ACADVL: variants seen among roughly 807,000 people sequenced by gnomAD.
ACADVL encodes very long-chain acyl-CoA dehydrogenase, mitochondrial.
A neutral mutation model predicts 80.4 loss-of-function variants in ACADVL; 73 were observed. The observed-to-expected ratio is 0.91, with a 90% CI of 0.75 to 1.10. The LOEUF (loss-of-function observed/expected upper bound fraction) is 1.10. ACADVL is among the 50% of genes least tolerant of loss of function. ACADVL has a pLI of 0.00. For missense variants in ACADVL, 878 were observed against 858.9 expected (o/e 1.02, Z -0.28); for synonymous variants, 392 against 326.5 (o/e 1.20, Z -2.16).
At chr17:7,218,670 G>T, upstream of ACADVL, 1 of 1,550,890 alleles carries the variant, frequency 6.4e-7, no homozygotes, top group Non-Finnish European at 8.7e-7. Context: ...TTGGGACAGG[G>T]AAGATGCCAA....
Position 7,223,877 on chromosome 17 carries a change from T to C in ACADVL, c.1332+2T>C. On this transcript the variant is annotated splice_donor_variant, in intron 13 of 19. Transcript: ENST00000356839. LOFTEE classifies it high-confidence loss of function. ...ATGGGGGGTATGGGCTTCATGAAGG[T>C]ACAGGACGGTCTTCTGCAGAGCCTC... The C allele has an allele frequency of 1.2e-6, 2 of 1,613,908 alleles. No homozygotes were observed. Among genetic ancestry groups the C allele is most frequent in the Non-Finnish European group, 1.7e-6 (2 of 1,180,010 alleles).
At position 7,220,581 on chromosome 17, in the gene ACADVL, GA is replaced by G. The variant is rs774676423; in HGVS notation, c.205-20del. ...CTTAGCCAGACCCAACCAGAGCCCTGAAATTTGCCTCTCTCTGCCCAGGAAT... is the reference window on the plus strand; with the variant it reads ...CTTAGCCAGACCCAACCAGAGCCCTGAATTTGCCTCTCTCTGCCCAGGAAT... On this transcript the variant is annotated intron_variant, in intron 3 of 19. Coordinates refer to ENST00000356839, the MANE Select transcript of ACADVL (RefSeq NM_000018.4). The G allele has an allele frequency of 3.1e-6, 5 of 1,614,216 alleles. No homozygotes were observed. In the East Asian group the frequency reaches 1.1e-4, roughly 36 times the overall value.
chr17:7,218,815 G>C, upstream of ACADVL: 2 of 1,613,714 alleles, frequency 1.2e-6, no homozygotes, highest in Non-Finnish European at 1.7e-6. Context: ...CCTCCACAAG[G>C]AGCCCTGTTT....
At chr17:7,221,278 C>A in intron 6 of ACADVL, 2 of 959,212 alleles carry the variant, frequency 2.1e-6, no homozygotes, top group Non-Finnish European at 3.1e-6. Flanking sequence ...CCTTACAAAT[C>A]TCTAAGTTGG....
At position 7,223,659 on chromosome 17, in the gene ACADVL, G is replaced by A. The variant is rs149116708; in HGVS notation, c.1198G>A (p.Val400Met). ...QYVTESMAYM[V>M]SANMDQGATD... ...GCAACCTCAGTCCATGGCTTACATGGTGAGTGCTAACATGGACCAGGGAGC... is the reference window on the plus strand; with the variant it reads ...GCAACCTCAGTCCATGGCTTACATGATGAGTGCTAACATGGACCAGGGAGC... The change falls in exon 12 of 20, where the codon GTG (valine) becomes ATG (methionine). Residue 400 changes from valine (V) to methionine (M), a missense_variant. Val to Met is a conservative substitution (Grantham distance 21). Coordinates refer to ENST00000356839, the MANE Select transcript of ACADVL (RefSeq NM_000018.4). 1 of 1,614,084 alleles carries A rather than the reference G, an allele frequency of 6.2e-7. No individual in the cohort carries two copies. Among genetic ancestry groups the A allele is most frequent in the Non-Finnish European group, 8.5e-7 (1 of 1,180,006 alleles).
At position 7,222,250 on chromosome 17, in the gene ACADVL, AAGG is replaced by A. The variant is rs796051913; in HGVS notation, c.829_831del (p.Glu277del). On this transcript the variant is annotated inframe_deletion, in exon 9 of 20. Coordinates refer to ENST00000356839, the MANE Select transcript of ACADVL (RefSeq NM_000018.4). ...TACAGATCCAGCCACAGGAGCCGTG[AAGG>A]AGAAGATCACAGCTTTTGTGGTGGA... The A allele has an allele frequency of 3.1e-4, 503 of 1,613,998 alleles. No homozygotes were observed. Among genetic ancestry groups the A allele is most frequent in the Middle Eastern group, 8.2e-4 (5 of 6,084 alleles).
chr17:7,217,556 T>C (rs948640288), upstream of ACADVL: 1 of 95,614 alleles, frequency 1.0e-5, no homozygotes, highest in Admixed American at 9.5e-4. Context: ...GGCGGGGGAG[T>C]GGGGTGGGGG....
In ACADVL at chr17:7,223,555, G is replaced by A. The variant is rs920660538; in HGVS notation, c.1183-89G>A. 3.6e-6 allele frequency: 5 copies of A among 1,388,590 alleles called. No homozygotes were observed. The South Asian group carries it at 4.7e-5, about 13-fold the overall frequency. 86.0% of individuals were successfully genotyped at this position (1,388,590 alleles called of 1,614,324 possible). On this transcript the variant is annotated intron_variant, in intron 11 of 19. Coordinates refer to ENST00000356839, the MANE Select transcript of ACADVL (RefSeq NM_000018.4). ...CTGCCTGACCTGACAAGCTAGGTCA[G>A]CCCTTATCTTGGAGATCTGGGTGAT...
chr17:7,223,269 C>A (rs1244760664), intron 11 of ACADVL, 32 bp downstream of exon 11: 1 of 1,575,964 alleles, frequency 6.3e-7, no homozygotes, highest in South Asian at 1.1e-5. Flanking sequence ...CTCCCTGGAG[C>A]CCTGGGGCTT....
chr17:7,218,106 C>G, upstream of ACADVL: 2 of 797,506 alleles, frequency 2.5e-6, no homozygotes, highest in Non-Finnish European at 4.0e-6. Flanking sequence ...CTCGGTGCCC[C>G]AAGTCCCTGG....
chr17:7,221,416 CAGGCACTGCCCTAGGT>C, intron 6 of ACADVL, 106 bp from the exon 7 acceptor site: 1 of 1,453,684 alleles, frequency 6.9e-7, no homozygotes, highest in Non-Finnish European at 9.6e-7. Context: ...TGGCCCAGGT[CAGGCACTGCCCTAGGT>C]CAGGAACTGC....
At chr17:7,223,433 C>A in intron 11 of ACADVL, 196 bp downstream of exon 11, 1 of 801,392 alleles carries the variant, frequency 1.2e-6, no homozygotes, top group Non-Finnish European at 2.2e-6. Flanking sequence ...TGCCTGCCAG[C>A]AGTACCAGAA....
At chr17:7,218,588 G>A, upstream of ACADVL, 1 of 1,566,816 alleles carries the variant, frequency 6.4e-7, no homozygotes, top group Non-Finnish European at 8.7e-7. Context: ...GAGGAGTGGG[G>A]GTGCCCACCG....
intron 2 of ACADVL, 21 bp downstream of exon 2, chr17:7,220,218 C>T (rs1240589271): frequency 2.0e-6 from 3 of 1,528,138 alleles, no homozygotes; most frequent in Non-Finnish European, 2.6e-6. Flanking sequence ...GCAGCCTTGG[C>T]AAGGGGGTGT....
rs771471327 is a variant in ACADVL, at chr17:7,224,712, G to A, written c.1749G>A (p.Ser583=). The part of the protein sequence containing the change: ...IDLYAMVVVL[S]RASRSLSEGH... ...TCTATGCCATGGTGGTGGTTCTCTC[G>A]AGGTGAGGAGGCAGGCAGGGAATGC... The change falls in exon 18 of 20, where the codon TCG becomes TCA. Residue 583 remains serine (S), a splice_region_variant and synonymous_variant. Transcript: ENST00000356839. 17 of 1,599,718 alleles carry A rather than the reference G, an allele frequency of 1.1e-5. No homozygotes were observed. Among genetic ancestry groups the A allele is most frequent in the African/African-American group, 1.4e-5 (1 of 74,058 alleles).
At position 7,221,449 on chromosome 17, in the gene ACADVL, T is replaced by C. The variant is rs9646410; in HGVS notation, c.478-89T>C. On this transcript the variant is annotated intron_variant, in intron 6 of 19. Transcript: ENST00000356839. ...GCCCTAGGTCAGGAACTGCCCTAGG[T>C]CAGGAACTGCCCTGTTGCCCACACT... is the stretch of plus-strand genomic sequence containing the variant. 1.1e-3 allele frequency: 264 copies of C among 250,796 alleles called. No homozygotes were observed. Among genetic ancestry groups the C allele is most frequent in the Non-Finnish European group, 1.4e-3 (236 of 173,386 alleles). 15.5% of individuals were successfully genotyped at this position (250,796 alleles called of 1,614,324 possible). A position where few individuals can be genotyped will look rare whatever the true frequency, so the allele number is the denominator to read the frequency against.
At chr17:7,221,240 G>A in intron 6 of ACADVL, 182 bp downstream of exon 6, 1 of 1,117,088 alleles carries the variant, frequency 9.0e-7, no homozygotes, top group Non-Finnish European at 1.3e-6. Flanking sequence ...CTAGGCCTGA[G>A]CCATGGGCCT....
rs372453844 is a variant in ACADVL, at chr17:7,224,848, G to A, written c.1791G>A (p.Gln597=). The change falls in exon 19 of 20, where the codon CAG becomes CAA. Residue 597 remains glutamine, a synonymous_variant. Coordinates refer to ENST00000356839, the MANE Select transcript of ACADVL (RefSeq NM_000018.4). The part of the protein sequence containing the change: ...RSLSEGHPTA[Q]HEKMLCDTWC... ...TGAGTGAGGGCCACCCCACGGCCCA[G>A]CATGAGAAAATGCTCTGTGACACCT... The A allele has an allele frequency of 1.2e-6, 2 of 1,614,150 alleles. No individual in the cohort carries two copies. The highest frequency in any genetic ancestry group is 2.2e-5 in the East Asian group (1 of 44,880).
rs1272095324 is a variant in ACADVL, at chr17:7,224,208, C to T, written c.1497C>T (p.Gly499=). The change falls in exon 15 of 20, where the codon GGC becomes GGT. Residue 499 remains glycine (G), a synonymous_variant. Coordinates refer to ENST00000356839, the MANE Select transcript of ACADVL (RefSeq NM_000018.4). ...SALKNPFGNA[G]LLLGEAGKQL... ...TAAAGAATCCCTTTGGGAATGCTGG[C>T]CTCCTGCTAGGAGAGGCAGGCAAAC... is the stretch of plus-strand genomic sequence containing the variant. 1 of 1,614,030 alleles carries T rather than the reference C, an allele frequency of 6.2e-7. No individual in the cohort carries two copies. Among genetic ancestry groups the T allele is most frequent in the South Asian group, 1.1e-5 (1 of 91,086 alleles).
Sources: gnomAD v4.1 joint callset for allele counts on GRCh38, gnomAD v4.1.1 for gene constraint, MANE v1.5 for transcripts, NCBI Gene and HGNC (gene_info 2026-07-23, HGNC 2026-07-21) for gene names.